The following SUPT3H variants were observed in gnomAD, a reference collection of about 807,000 sequenced individuals.
SUPT3H encodes transcription initiation protein SPT3 homolog.
A neutral mutation model predicts 44.3 loss-of-function variants in SUPT3H; 44 were observed. The ratio of observed to expected loss-of-function variants is 0.99; its 90% CI spans 0.78 to 1.28. The LOEUF (loss-of-function observed/expected upper bound fraction) is 1.28, where lower values mean the gene tolerates loss of function less well. SUPT3H is among the 50% of genes most tolerant of loss of function. SUPT3H has a pLI of 0.00. For missense variants in SUPT3H, 380 were observed against 387.1 expected, an observed-to-expected ratio of 0.98 and a Z score of 0.15; for synonymous variants, 124 against 125.6, an observed-to-expected ratio of 0.99 and a Z score of 0.09.
intron 10 of SUPT3H, among the ~76,000 whole-genome samples, chr6:44,918,306 C>A (rs1402467409): frequency 1.3e-5 from 2 of 152,158 alleles, no homozygotes; most frequent in African/African-American, 4.8e-5. Context: ...GACTTTATTT[C>A]CCCTTTTCTG....
chr6:45,086,623 A>G (rs989588048), intron 3 of SUPT3H, among the ~76,000 whole-genome samples: 18 of 151,578 alleles, frequency 1.2e-4, no homozygotes, highest in Middle Eastern at 3.4e-3. Flanking sequence ...GGTTTTAAAA[A>G]CTCCCTCCAG....
intron 3 of SUPT3H, among the ~76,000 whole-genome samples, chr6:45,097,211 C>A (rs1309178157): frequency 6.6e-6 from 1 of 152,188 alleles, no homozygotes; most frequent in East Asian, 1.9e-4. Flanking sequence ...TTCTCTTCCT[C>A]AAATATGAGG....
At chr6:45,297,084 A>AG (rs1356703340) in intron 2 of SUPT3H, among the ~76,000 whole-genome samples, 1 of 151,836 alleles carries the variant, frequency 6.6e-6, no homozygotes, top group East Asian at 1.9e-4. Flanking sequence ...ATTTAAAAAA[A>AG]AAAAAAAGGA....
At chr6:44,858,401 C>T (rs559970540) in intron 10 of SUPT3H, among the ~76,000 whole-genome samples, 4 of 152,206 alleles carry the variant, frequency 2.6e-5, no homozygotes, top group Admixed American at 1.3e-4. Context: ...TGCATTTGTG[C>T]CATTACCACC....
chr6:45,034,770 A>G (rs932726948), intron 3 of SUPT3H, among the ~76,000 whole-genome samples: 2 of 152,138 alleles, frequency 1.3e-5, no homozygotes, highest in Non-Finnish European at 2.9e-5. Context: ...CCTTGTAAAA[A>G]CCTTGTTAGG....
intron 9 of SUPT3H, among the ~76,000 whole-genome samples, chr6:44,936,241 G>A (rs1460655233): frequency 6.6e-6 from 1 of 152,096 alleles, no homozygotes; most frequent in African/African-American, 2.4e-5. Context: ...GCCATTCATT[G>A]GCCAAAGGAT....
At chr6:45,014,068 A>T (rs1000935324) in intron 5 of SUPT3H, among the ~76,000 whole-genome samples, 7 of 152,094 alleles carry the variant, frequency 4.6e-5, no homozygotes, top group African/African-American at 1.7e-4. Flanking sequence ...AGACTCTGCC[A>T]TCCTTACATA....
chr6:45,258,537 C>T (rs749930598), intron 2 of SUPT3H, among the ~76,000 whole-genome samples: 1 of 152,074 alleles, frequency 6.6e-6, no homozygotes, highest in Non-Finnish European at 1.5e-5. Flanking sequence ...AGAAAAGTTA[C>T]CAGATTTAAA....
intron 6 of SUPT3H, among the ~76,000 whole-genome samples, chr6:44,997,964 C>A (rs1332136377): frequency 6.6e-6 from 1 of 151,726 alleles, no homozygotes; most frequent in Non-Finnish European, 1.5e-5. Context: ...TTGAAGCATA[C>A]TCGAACTCAA....
At chr6:44,909,395 T>C (rs1326275702) in intron 10 of SUPT3H, among the ~76,000 whole-genome samples, 2 of 152,156 alleles carry the variant, frequency 1.3e-5, no homozygotes, top group Non-Finnish European at 2.9e-5. Context: ...TCTTATATAT[T>C]TCATTTTCTA....
At chr6:44,957,193 A>C (rs937345831) in intron 7 of SUPT3H, among the ~76,000 whole-genome samples, 1 of 152,184 alleles carries the variant, frequency 6.6e-6, no homozygotes, top group Non-Finnish European at 1.5e-5. Flanking sequence ...TAGTAACTCA[A>C]AGCATGATAT....
chr6:44,986,319 T>C (rs1779786136), intron 6 of SUPT3H, among the ~76,000 whole-genome samples: 1 of 152,134 alleles, frequency 6.6e-6, no homozygotes, highest in South Asian at 2.1e-4. Context: ...TCCCCAACTA[T>C]AAAGTGAACA....
chr6:44,893,398 C>T (rs563468555), intron 10 of SUPT3H, among the ~76,000 whole-genome samples: 5 of 150,930 alleles, frequency 3.3e-5, no homozygotes, highest in African/African-American at 4.9e-5. Context: ...CCACAACAGT[C>T]CCCAGAGTGT....
intron 10 of SUPT3H, among the ~76,000 whole-genome samples, chr6:44,927,355 G>A (rs546392590): frequency 4.4e-4 from 67 of 151,926 alleles, no homozygotes; most frequent in Admixed American, 1.0e-3. Context: ...CTATATTTTC[G>A]TAATTTTCTA....
chr6:45,008,189 T>A (rs1427763687), intron 5 of SUPT3H, among the ~76,000 whole-genome samples: 1 of 152,178 alleles, frequency 6.6e-6, no homozygotes, highest in African/African-American at 2.4e-5. Context: ...CTTATTCCAC[T>A]TCTTTTGCTA....
chr6:45,162,616 G>A (rs1809198334), intron 2 of SUPT3H, among the ~76,000 whole-genome samples: 1 of 152,260 alleles, frequency 6.6e-6, no homozygotes, highest in Admixed American at 6.5e-5. Context: ...TGTGCTAACA[G>A]CTGAGGATAT....
At chr6:44,838,545 G>A (rs192728907) in intron 10 of SUPT3H, among the ~76,000 whole-genome samples, 162 of 152,216 alleles carry the variant, frequency 1.1e-3, no homozygotes, top group African/African-American at 3.7e-3. Flanking sequence ...TTTAAGTAAG[G>A]CCAAGAGGAG....
At chr6:45,155,959 C>T (rs1353633154) in intron 2 of SUPT3H, among the ~76,000 whole-genome samples, 1 of 152,058 alleles carries the variant, frequency 6.6e-6, no homozygotes, top group Non-Finnish European at 1.5e-5. Flanking sequence ...AATAATTCAT[C>T]TAACGTTCAA....
chr6:44,902,921 T>C (rs1765338486), intron 10 of SUPT3H, among the ~76,000 whole-genome samples: 1 of 152,190 alleles, frequency 6.6e-6, no homozygotes, highest in Admixed American at 6.6e-5. Context: ...AACCTGCTCC[T>C]GAATGACTAC....
Sources: allele counts gnomAD v4.1 joint callset (sites outside exome capture counted in the v4.1 genomes callset), GRCh38; gene constraint gnomAD v4.1.1; transcripts MANE v1.5; gene names NCBI Gene and HGNC (gene_info 2026-07-23, HGNC 2026-07-21).